DST: variants seen among roughly 807,000 people sequenced by gnomAD.
DST encodes the protein bullous pemphigoid antigen.
A neutral mutation model predicts 875.2 loss-of-function variants in DST; 253 were observed. That is an observed-to-expected ratio of 0.29 (90% CI 0.26 to 0.32). DST has a LOEUF of 0.32. Ranked by LOEUF, DST falls within the 10% of genes least tolerant of loss-of-function variation. The pLI is 1.00. For missense variants in DST, 8,287 were observed against 9,111.6 expected, an observed-to-expected ratio of 0.91 and a Z score of 3.68; for synonymous variants, 3,124 against 3,197.1, an observed-to-expected ratio of 0.98 and a Z score of 0.77.
intron 90 of DST, among the ~76,000 whole-genome samples, chr6:56,481,520 T>A (rs1168488891): frequency 6.6e-6 from 1 of 152,196 alleles, no homozygotes. Flanking sequence ...TTTTAATGTA[T>A]ACTATAGGTT....
At chr6:56,872,284 GA>G (rs1033722799) in intron 3 of DST, among the ~76,000 whole-genome samples, 5 of 152,006 alleles carry the variant, frequency 3.3e-5, no homozygotes, top group African/African-American at 1.2e-4. Flanking sequence ...CATATTAAGT[GA>G]AAAAAGGTAG....
chr6:56,611,231 T>G (rs937508075), intron 38 of DST, among the ~76,000 whole-genome samples: 7 of 152,172 alleles, frequency 4.6e-5, no homozygotes, highest in Admixed American at 4.6e-4. Flanking sequence ...ACTCGGAGTC[T>G]GCACTCTACC....
intron 2 of DST, among the ~76,000 whole-genome samples, chr6:56,926,631 G>A (rs901180626): frequency 1.6e-4 from 25 of 152,286 alleles, no homozygotes; most frequent in African/African-American, 5.3e-4. Context: ...GGCAGCTAGC[G>A]ATGAGTTCAC....
intron 4 of DST, among the ~76,000 whole-genome samples, chr6:56,757,976 C>A (rs1441960318): frequency 6.6e-6 from 1 of 152,202 alleles, no homozygotes; most frequent in African/African-American, 2.4e-5. Flanking sequence ...AAATACAATG[C>A]TTTCCAACAA....
intron 10 of DST, among the ~76,000 whole-genome samples, chr6:56,665,643 TA>T (rs1263313921): frequency 6.6e-6 from 1 of 152,090 alleles, no homozygotes; most frequent in Non-Finnish European, 1.5e-5. Context: ...TCTTTATTGA[TA>T]AAAATGAAGT....
rs2152711297 is a variant in DST at position 56,606,736 on chromosome 6, T to C, written c.7892A>G (p.Asp2631Gly). Residue 2631 changes from aspartate (D) to glycine (G), a missense_variant, in exon 40 of 104, where the codon GAT becomes GGT. By Grantham distance (94) the Asp-to-Gly change is moderately conservative. Around this residue, in one of 10 missense-constraint regions of DST, gnomAD observed 3,138 missense variants for 3,116.6 expected, o/e 1.01. Transcript: ENST00000680361. ...CTCAGGGTGCAGGCAATCACGATCA[T>C]CACCATCAAGAAGCAAAGAATCATG... ...DDHDSLLLDG[D>G]DRDCLHPEDY... 3 of 1,613,454 alleles carry C rather than the reference T, an allele frequency of 1.9e-6. No homozygotes were observed. The highest frequency in any genetic ancestry group is 1.7e-4 in the Middle Eastern group (1 of 6,058).
intron 4 of DST, among the ~76,000 whole-genome samples, chr6:56,788,839 T>A (rs895683403): frequency 6.6e-6 from 1 of 152,370 alleles, no homozygotes; most frequent in South Asian, 2.1e-4. Flanking sequence ...CTGTGAATCA[T>A]GTTAAACTTT....
chr6:56,581,725 G>GC (rs1490554469), intron 49 of DST, among the ~76,000 whole-genome samples: 7 of 152,266 alleles, frequency 4.6e-5, no homozygotes, highest in Admixed American at 2.0e-4. Context: ...GGATTTCAAA[G>GC]CCCCCAATGT....
At chr6:56,627,132 A>G (rs1322570892) in intron 34 of DST, 72 bp downstream of exon 34, 1 of 1,109,488 alleles carries the variant, frequency 9.0e-7, no homozygotes, top group African/African-American at 1.5e-5. Flanking sequence ...AATGACTTGC[A>G]TGGCTTTAAC....
chr6:56,486,114 A>G (rs149921440), intron 87 of DST, among the ~76,000 whole-genome samples: 1,946 of 152,296 alleles, frequency 0.013, 42 homozygotes, highest in African/African-American at 0.044. Context: ...CTGTAATCCC[A>G]GCACTTTGGG....
In DST at chr6:56,562,124, A is replaced by AAATT; in HGVS notation, c.14068+10_14068+13dup. 2 of 1,491,310 alleles carry AAATT rather than the reference A, an allele frequency of 1.3e-6. No homozygotes were observed. The highest frequency in any genetic ancestry group is 1.8e-6 in the Non-Finnish European group (2 of 1,101,022). 92.4% of individuals were successfully genotyped at this position (1,491,310 alleles called of 1,614,324 possible). Reference sequence around the variant, plus strand: ...AATTACATTAATCAGTAACAAATTAAAATTAATACTCACCTTTATTTGCCC... The same window carrying AAATT: ...AATTACATTAATCAGTAACAAATTAAAATTAATTAATACTCACCTTTATTTGCCC... On this transcript the variant is annotated intron_variant, in intron 56 of 103. Coordinates refer to ENST00000680361, the MANE Select transcript of DST (RefSeq NM_001374736.1).
chr6:56,613,096 C>A (rs2098558231), intron 37 of DST, among the ~76,000 whole-genome samples: 1 of 152,088 alleles, frequency 6.6e-6, no homozygotes, highest in Non-Finnish European at 1.5e-5. Context: ...ATCAAAATTT[C>A]TCAAAAGAAA....
At chr6:56,859,712 A>G (rs554615142) in intron 3 of DST, among the ~76,000 whole-genome samples, 2 of 152,338 alleles carry the variant, frequency 1.3e-5, no homozygotes, top group East Asian at 3.9e-4. Context: ...TCTTTCTTAG[A>G]AGGGCCTGAA....
chr6:56,642,231 A>C, intron 16 of DST, 130 bp from the exon 17 acceptor site: 2 of 908,034 alleles, frequency 2.2e-6, no homozygotes. Flanking sequence ...GTTCAAAAAT[A>C]TGTTTTCCCT....
intron 2 of DST, among the ~76,000 whole-genome samples, chr6:56,948,993 G>A (rs991675653): frequency 7.2e-5 from 11 of 152,158 alleles, no homozygotes; most frequent in Admixed American, 4.6e-4. Flanking sequence ...CTTGACCAAG[G>A]TGACACAGTT....
intron 4 of DST, among the ~76,000 whole-genome samples, chr6:56,744,776 T>A (rs1468142181): frequency 6.6e-6 from 1 of 152,186 alleles, no homozygotes; most frequent in East Asian, 1.9e-4. Context: ...TGATTTGACC[T>A]TCAACCACAG....
intron 4 of DST, among the ~76,000 whole-genome samples, chr6:56,812,879 A>C (rs547666606): frequency 6.6e-6 from 1 of 152,090 alleles, no homozygotes; most frequent in Non-Finnish European, 1.5e-5. Flanking sequence ...CCATCCCATT[A>C]CTGGGTATAT....
At chr6:56,809,482 A>C (rs933648558) in intron 4 of DST, among the ~76,000 whole-genome samples, 2 of 152,236 alleles carry the variant, frequency 1.3e-5, no homozygotes, top group African/African-American at 4.8e-5. Context: ...GAATATTGCC[A>C]TCTTATGATG....
intron 54 of DST, among the ~76,000 whole-genome samples, chr6:56,569,332 A>AAG (rs2097739060): frequency 6.8e-6 from 1 of 146,430 alleles, no homozygotes; most frequent in African/African-American, 2.7e-5. Context: ...CTCGAAAAAA[A>AAG]AAAAAAACAA....
Sources: allele counts gnomAD v4.1 joint callset (sites outside exome capture counted in the v4.1 genomes callset), GRCh38; gene constraint gnomAD v4.1.1; regional missense constraint gnomAD v4.1.1; transcripts MANE v1.5; gene names NCBI Gene and HGNC (gene_info 2026-07-23, HGNC 2026-07-21).